Variants in SLC7A10 observed in about 807,000 individuals in gnomAD.
SLC7A10 encodes asc-type amino acid transporter 1.
In SLC7A10, 30 loss-of-function variants were observed where a neutral mutation model predicts 52.7. The ratio of observed to expected loss-of-function variants is 0.57; its 90% confidence interval spans 0.43 to 0.77. The LOEUF is 0.77. Ranked by LOEUF, SLC7A10 falls within the 30% of genes least tolerant of loss-of-function variation. The probability of loss-of-function intolerance (pLI) is 0.00; values close to 1 mark genes in which losing one functional copy is unlikely to be tolerated. For synonymous variants in SLC7A10, 318 were observed against 314.9 expected, an observed-to-expected ratio of 1.01 and a Z score of -0.10; for missense variants, 581 against 698.5, an observed-to-expected ratio of 0.83 and a Z score of 1.90.
chr19:33,211,496 G>A lies in SLC7A10; in HGVS notation c.830C>T (p.Thr277Ile). ...RAIFISIPLV[T>I]FVYTFTNIAY... is the part of the protein sequence containing the mutation. ...AATGTTGGTGAACGTGTACACGAAG[G>A]TCACCAGTGGGATGGAGATGAAGAT... is the stretch of plus-strand genomic sequence containing the variant. Residue 277 changes from threonine (T) to isoleucine (I), a missense_variant, in exon 6 of 11, where the codon ACC becomes ATC. Transcript: ENST00000253188. The A allele has an allele frequency of 6.2e-7, 1 of 1,614,112 alleles. No individual in the cohort carries two copies. Among genetic ancestry groups the A allele is most frequent in the African/African-American group, 1.3e-5 (1 of 75,054 alleles).
At chr19:33,223,636 G>A (rs960562564) in intron 1 of SLC7A10, among the ~76,000 whole-genome samples, 8 of 152,026 alleles carry the variant, frequency 5.3e-5, no homozygotes, top group Non-Finnish European at 1.0e-4. Flanking sequence ...CCTGCCTGCT[G>A]TAATCCTCAA....
At chr19:33,211,763 C>T in intron 5 of SLC7A10, 4 of 688,904 alleles carry the variant, frequency 5.8e-6, no homozygotes, top group Non-Finnish European at 9.5e-6. Flanking sequence ...GGAGGGGCCC[C>T]ATCACATCCT....
At chr19:33,221,475 G>T (rs544461799) in intron 1 of SLC7A10, among the ~76,000 whole-genome samples, 1 of 152,294 alleles carries the variant, frequency 6.6e-6, no homozygotes, top group East Asian at 1.9e-4. Flanking sequence ...TGGGGTCCTG[G>T]AGCACACCGA....
chr19:33,208,869 T>A lies in SLC7A10; in HGVS notation c.*22A>T. 1 of 1,599,280 alleles carries A rather than the reference T, an allele frequency of 6.3e-7. No individual in the cohort carries two copies. Among genetic ancestry groups the A allele is most frequent in the Non-Finnish European group, 8.5e-7 (1 of 1,172,122 alleles). On this transcript the variant is annotated 3_prime_UTR_variant, in exon 11 of 11. Coordinates refer to ENST00000253188, the MANE Select transcript of SLC7A10 (RefSeq NM_019849.3). This position sits in a 1 kb window ranked among gnomAD's most constrained non-coding sequence, Gnocchi z 4.7. Reference sequence around the variant, plus strand: ...TAAACAACATGTAAACAGAAACAACTGCTTCAGTCTCTACAAAAATCTCAT... The same window carrying A: ...TAAACAACATGTAAACAGAAACAACAGCTTCAGTCTCTACAAAAATCTCAT...
At chr19:33,218,495 G>A (rs12972369) in intron 1 of SLC7A10, among the ~76,000 whole-genome samples, 2 of 151,546 alleles carry the variant, frequency 1.3e-5, no homozygotes, top group Non-Finnish European at 2.9e-5. Context: ...ATCGCATCAC[G>A]CACTCCGCAC....
Position 33,212,993 on chromosome 19 carries a change from C to T in SLC7A10, c.366G>A (p.Leu122=), listed in dbSNP as rs375926205. 1.7e-5 allele frequency: 28 copies of T among 1,607,438 alleles called. No individual in the cohort carries two copies. The highest frequency in any genetic ancestry group is 2.3e-5 in the Non-Finnish European group (27 of 1,177,010). The stretch of plus-strand genomic sequence containing the variant: ...ACATGATGAGGACGGCGCTCCAGAG[C>T]AGCAGAAAGCTGGAAGGAGCAGGGG... The part of the protein sequence containing the change: ...EIFGGLAGFL[L]LWSAVLIMYP... The change falls in exon 3 of 11, where the codon CTG becomes CTA. Residue 122 remains leucine, a synonymous_variant. Transcript: ENST00000253188.
intron 1 of SLC7A10, chr19:33,221,003 C>A (rs959765414): frequency 2.6e-5 from 4 of 152,468 alleles, no homozygotes; most frequent in African/African-American, 9.7e-5. Flanking sequence ...ACCCAGGTAG[C>A]CTCCTGACCG....
At chr19:33,222,890 C>T (rs1199194585) in intron 1 of SLC7A10, among the ~76,000 whole-genome samples, 1 of 152,190 alleles carries the variant, frequency 6.6e-6, no homozygotes, top group African/African-American at 2.4e-5. Context: ...AGCCTCAATT[C>T]CCAGTCTGAG....
intron 2 of SLC7A10, among the ~76,000 whole-genome samples, chr19:33,213,620 C>T (rs527551888): frequency 1.3e-5 from 2 of 152,202 alleles, no homozygotes; most frequent in Non-Finnish European, 2.9e-5. Flanking sequence ...ACTAGGCCCC[C>T]CATTGGACGG....
At chr19:33,211,364 C>T (rs759805583) in intron 6 of SLC7A10, 36 bp from the exon 7 acceptor site, 93 of 1,613,634 alleles carry the variant, frequency 5.8e-5, no homozygotes, top group Admixed American at 1.0e-4. Context: ...TGTGTAAGGC[C>T]GGGGCAGGGG....
At chr19:33,209,996 G>A (rs966390416) in intron 9 of SLC7A10, among the ~76,000 whole-genome samples, 3 of 149,158 alleles carry the variant, frequency 2.0e-5, no homozygotes, top group Non-Finnish European at 3.0e-5. Flanking sequence ...GTTGGAGTAC[G>A]GTGGCCCTAG....
At position 33,208,990 on chromosome 19, in the gene SLC7A10, A is replaced by G; in HGVS notation, c.1473T>C (p.Cys491=). ...ESMTHWGQEL[C]FVVYPQDAPE... ...GGGCGTCCTGGGGGTAGACCACGAA[A>G]CACAGCTCCTGGCCCCAGTGTGTCA... Residue 491 remains cysteine (C), a synonymous_variant, in exon 11 of 11, where the codon TGT becomes TGC. Coordinates refer to ENST00000253188, the MANE Select transcript of SLC7A10 (RefSeq NM_019849.3). This position sits in a 1 kb window ranked among gnomAD's most constrained non-coding sequence, Gnocchi z 4.7. The G allele has an allele frequency of 6.2e-7, 1 of 1,613,836 alleles. No homozygotes were observed. Among genetic ancestry groups the G allele is most frequent in the Non-Finnish European group, 8.5e-7 (1 of 1,180,034 alleles).
At position 33,212,304 on chromosome 19, in the gene SLC7A10, A is replaced by C. The variant is rs138595244; in HGVS notation, c.776T>G (p.Val259Gly). The change falls in exon 5 of 11, where the codon GTT becomes GGT. Residue 259 changes from valine (V) to glycine (G), a missense_variant. Val to Gly is a moderately radical substitution (Grantham distance 109). Coordinates refer to ENST00000253188, the MANE Select transcript of SLC7A10 (RefSeq NM_019849.3). ...NFLNYVTEEM[V>G]DARKNLPRAI... is the part of the protein sequence containing the mutation. ...GGGCCCCACTCACTTTCGGGCGTCA[A>C]CCATCTCCTCGGTGACATAGTTGAG... 2 of 1,609,164 alleles carry C rather than the reference A, an allele frequency of 1.2e-6. No homozygotes were observed. Among genetic ancestry groups the C allele is most frequent in the Non-Finnish European group, 8.5e-7 (1 of 1,178,224 alleles).
Position 33,210,721 on chromosome 19 carries a change from C to A in SLC7A10, c.1113+81G>T. On this transcript the variant is annotated intron_variant, in intron 8 of 10. Coordinates refer to ENST00000253188, the MANE Select transcript of SLC7A10 (RefSeq NM_019849.3). The surrounding 1 kb of genome is among the most constrained non-coding windows in gnomAD (Gnocchi z 5.6). ...CCAACCCCCACCCTGGAATGGCTCA[C>A]CCCTGCCATTACCCGGAAGGTCCTG... The A allele has an allele frequency of 1.9e-6, 3 of 1,604,022 alleles. No homozygotes were observed. The highest frequency in any genetic ancestry group is 2.6e-6 in the Non-Finnish European group (3 of 1,173,064).
At chr19:33,211,724 G>A (rs1974559121) in intron 5 of SLC7A10, 187 bp from the exon 6 acceptor site, 1 of 1,105,454 alleles carries the variant, frequency 9.0e-7, no homozygotes, top group Non-Finnish European at 1.3e-6. Flanking sequence ...ACCCCCACCT[G>A]GACACAGGCT....
intron 2 of SLC7A10, among the ~76,000 whole-genome samples, chr19:33,213,312 G>A (rs1208024250): frequency 2.7e-5 from 4 of 149,886 alleles, no homozygotes; most frequent in Admixed American, 1.3e-4. Context: ...TTTTTGAGAC[G>A]GAGTCTTGCT....
intron 10 of SLC7A10, 93 bp downstream of exon 10, chr19:33,209,215 G>A: frequency 6.4e-7 from 1 of 1,567,538 alleles, no homozygotes; most frequent in Non-Finnish European, 8.7e-7. Context: ...TCAGCTGCTA[G>A]GACACCCTGC....
At position 33,210,499 on chromosome 19, in the gene SLC7A10, A is replaced by G; in HGVS notation, c.1231T>C (p.Trp411Arg). 1 of 1,606,930 alleles carries G rather than the reference A, an allele frequency of 6.2e-7. No individual in the cohort carries two copies. Among genetic ancestry groups the G allele is most frequent in the Non-Finnish European group, 8.5e-7 (1 of 1,179,294 alleles). ...VTILGLLLLR[W>R]RRPALHRPIK... ...GGCCTGTGGAGTGCAGGCCGCCTCC[A>G]GCGCAGCAGCAGCAGGCCCAGGATG... The change falls in exon 9 of 11, where the codon TGG (tryptophan) becomes CGG (arginine). Residue 411 changes from tryptophan (W) to arginine (R), a missense_variant. By Grantham distance (101) the Trp-to-Arg change is moderately radical (BLOSUM62 -3). Coordinates refer to ENST00000253188, the MANE Select transcript of SLC7A10 (RefSeq NM_019849.3). The surrounding 1 kb of genome is among the most constrained non-coding windows in gnomAD (Gnocchi z 5.6).
intron 1 of SLC7A10, among the ~76,000 whole-genome samples, chr19:33,216,591 A>ATTTCC (rs535861959): frequency 2.0e-5 from 3 of 151,382 alleles, no homozygotes; most frequent in South Asian, 2.1e-4. Flanking sequence ...TCCTACTTCA[A>ATTTCC]TTTCCTTTCC....
Sources: gnomAD v4.1 joint callset for allele counts (sites outside exome capture counted in the v4.1 genomes callset) on GRCh38, gnomAD v4.1.1 for gene constraint, Gnocchi (gnomAD v3.1) non-coding constraint, MANE v1.5 for transcripts, NCBI Gene and HGNC (gene_info 2026-07-23, HGNC 2026-07-21) for gene names.